HNRNPH1: variants seen among roughly 807,000 people sequenced by gnomAD.
HNRNPH1 encodes heterogeneous nuclear ribonucleoprotein H.
Under a neutral mutation model 58.6 loss-of-function variants are expected in HNRNPH1, and 4 were observed. That is an observed-to-expected ratio of 0.07 (90% CI 0.03 to 0.16). The LOEUF is 0.16. HNRNPH1 is among the 10% of genes least tolerant of loss of function. The probability of loss-of-function intolerance (pLI) is 1.00; values close to 1 mark genes in which losing one functional copy is unlikely to be tolerated. For missense variants in HNRNPH1, 271 were observed against 564.2 expected, an observed-to-expected ratio of 0.48 and a Z score of 5.26; for synonymous variants, 192 against 189.2, an observed-to-expected ratio of 1.01 and a Z score of -0.12.
At chr5:179,616,764 T>C in intron 10 of HNRNPH1, 105 bp downstream of exon 11, 3 of 1,001,506 alleles carry the variant, frequency 3.0e-6, no homozygotes, top group South Asian at 1.5e-5. Flanking sequence ...CTGCTTTGCC[T>C]AAGTTTCTTA....
chr5:179,616,605 A>T, intron 10 of HNRNPH1: 1 of 530,656 alleles, frequency 1.9e-6, no homozygotes, highest in South Asian at 2.5e-5. Flanking sequence ...CTATTGATTT[A>T]AACTTTATAC....
At chr5:179,626,506 A>T (rs1366942330), upstream of HNRNPH1, among the ~76,000 whole-genome samples, 1 of 151,386 alleles carries the variant, frequency 6.6e-6, no homozygotes, top group Non-Finnish European at 1.5e-5. Context: ...TCAAGAGTTC[A>T]GGAGTTAGAG....
At chr5:179,615,004 CCAGT>C (rs1198585136) in intron 12 of HNRNPH1, 45 bp from the exon 14 acceptor site, 4 of 1,109,084 alleles carry the variant, frequency 3.6e-6, no homozygotes, top group Middle Eastern at 2.0e-4. Flanking sequence ...TATCAGACTA[CCAGT>C]CAAATAAAAT....
At chr5:179,619,511 T>C (rs1188941078) in intron 3 of HNRNPH1, 104 bp from the exon 5 acceptor site, 3 of 969,938 alleles carry the variant, frequency 3.1e-6, no homozygotes, top group South Asian at 1.7e-5. Flanking sequence ...TTTTTAACTT[T>C]AGGTGAATGG....
In HNRNPH1 at chr5:179,616,817, G is replaced by C. The variant is rs778390375; in HGVS notation, c.1207+52C>G. ...AAATAGATTAACTTAACTTATAATT[G>C]ACTTATACAGATATAAACGTTTTGG... On this transcript the variant is annotated intron_variant, in intron 10 of 12. Transcript: ENST00000356731. The C allele has an allele frequency of 2.2e-6, 3 of 1,385,646 alleles. No individual in the cohort carries two copies. The Admixed American group carries it at 5.3e-5, about 24-fold the overall frequency. 85.8% of individuals were successfully genotyped at this position (1,385,646 alleles called of 1,614,324 possible).
chr5:179,632,114 G>A (rs62392795), intron 2 of HNRNPH1, among the ~76,000 whole-genome samples: 1 of 151,986 alleles, frequency 6.6e-6, no homozygotes, highest in African/African-American at 2.4e-5. Context: ...AGACCATCCC[G>A]GCTAACACGG....
At chr5:179,623,194 G>T in exon 1 of HNRNPH1, 1 of 1,264,374 alleles carries the variant, frequency 7.9e-7, no homozygotes, top group Non-Finnish European at 1.1e-6. Flanking sequence ...AGAACTGAGA[G>T]CGCCAATTAA....
At chr5:179,633,835 G>C (rs148021325) in intron 2 of HNRNPH1, 12,659 of 152,062 alleles carry the variant, frequency 0.083, 727 homozygotes, top group Non-Finnish European at 0.13. Flanking sequence ...TGTTTGAACC[G>C]GGGAGGCAGA....
At chr5:179,629,943 G>A (rs1774698546) in intron 2 of HNRNPH1, among the ~76,000 whole-genome samples, 1 of 152,094 alleles carries the variant, frequency 6.6e-6, no homozygotes, top group South Asian at 2.1e-4. Flanking sequence ...AGAATCACTT[G>A]AACCTGGGAG....
At chr5:179,632,922 A>C (rs1213982104) in intron 2 of HNRNPH1, among the ~76,000 whole-genome samples, 2 of 129,192 alleles carry the variant, frequency 1.5e-5, no homozygotes, top group Non-Finnish European at 3.1e-5. Context: ...CAGTGGCGCG[A>C]TCTCGGCTCA....
At chr5:179,622,692 CAG>C (rs902378737) in intron 1 of HNRNPH1, among the ~76,000 whole-genome samples, 34 of 152,140 alleles carry the variant, frequency 2.2e-4, no homozygotes, top group African/African-American at 8.2e-4. Flanking sequence ...GCTTGGGTGA[CAG>C]AGACTCCAAC....
exon 11 of HNRNPH1, chr5:179,616,141 T>C (rs1048098039): frequency 6.2e-7 from 1 of 1,613,864 alleles, no homozygotes; most frequent in Non-Finnish European, 8.5e-7. Context: ...CCACTCATGC[T>C]GCTCTGGCCA....
upstream of HNRNPH1, chr5:179,629,043 A>G (rs543599082): frequency 4.7e-5 from 7 of 149,910 alleles, no homozygotes; most frequent in East Asian, 6.1e-4. Flanking sequence ...CACGCCTGTA[A>G]TCCCAGCACT....
chr5:179,614,826 A>G (rs1227697307), exon 13 of HNRNPH1: 6 of 1,052,122 alleles, frequency 5.7e-6, no homozygotes, highest in African/African-American at 1.6e-5. Context: ...AGAGTCAGTG[A>G]TCAGGATCGA....
exon 13 of HNRNPH1, chr5:179,614,936 T>C (rs1581617703): frequency 6.5e-7 from 1 of 1,547,548 alleles, no homozygotes; most frequent in East Asian, 2.4e-5. Flanking sequence ...CTGTAGTAGC[T>C]GCTGTTCACT....
intron 2 of HNRNPH1, 58 bp downstream of exon 3, chr5:179,621,184 G>C (rs1772141383): frequency 3.2e-6 from 5 of 1,549,826 alleles, no homozygotes; most frequent in Admixed American, 1.7e-5. Context: ...TTCAGAAGGG[G>C]TGAGACCTCT....
At chr5:179,620,118 T>G (rs1473722135) in intron 3 of HNRNPH1, 1 of 152,218 alleles carries the variant, frequency 6.6e-6, no homozygotes. Flanking sequence ...CAAAACAGAC[T>G]TGATTTTAAA....
chr5:179,614,860 C>T (rs533719736), exon 13 of HNRNPH1: 1 of 1,529,206 alleles, frequency 6.5e-7, no homozygotes, highest in African/African-American at 1.4e-5. Flanking sequence ...CCATCCACCA[C>T]TCATACTGGA....
chr5:179,631,551 G>A (rs1037142699), intron 2 of HNRNPH1, among the ~76,000 whole-genome samples: 10 of 152,022 alleles, frequency 6.6e-5, no homozygotes, highest in Non-Finnish European at 1.5e-4. Context: ...TTCAAGACCA[G>A]CCTGGCCAAC....
Sources: allele counts gnomAD v4.1 joint callset (sites outside exome capture counted in the v4.1 genomes callset), GRCh38; gene constraint gnomAD v4.1.1; transcripts MANE v1.5; gene names NCBI Gene and HGNC (gene_info 2026-07-23, HGNC 2026-07-21).